R3HDM1: variants seen among roughly 807,000 people sequenced by gnomAD.
R3HDM1 encodes the protein R3H domain-containing protein 1.
A neutral mutation model predicts 141.1 loss-of-function variants in R3HDM1; 46 were observed. That is an observed-to-expected ratio of 0.33 (90% CI 0.26 to 0.42). The LOEUF (loss-of-function observed/expected upper bound fraction) is 0.42. Among genes scored for constraint, R3HDM1 ranks in the 10% least tolerant of loss-of-function variants. R3HDM1 has a pLI of 1.00. For missense variants in R3HDM1, 1,184 were observed against 1,368.3 expected, an observed-to-expected ratio of 0.87 and a Z score of 2.12; for synonymous variants, 435 against 472.9, an observed-to-expected ratio of 0.92 and a Z score of 1.04.
At chr2:135,701,236 A>C (rs2074155991) in intron 21 of R3HDM1, among the ~76,000 whole-genome samples, 1 of 151,242 alleles carries the variant, frequency 6.6e-6, no homozygotes. Context: ...AAAAAAAAAA[A>C]AAAAAAAACT....
intron 1 of R3HDM1, among the ~76,000 whole-genome samples, chr2:135,538,165 A>G (rs1657059947): frequency 6.6e-6 from 1 of 152,232 alleles, no homozygotes; most frequent in South Asian, 2.1e-4. Context: ...ACAAACCTAT[A>G]CAGTATGCTA....
intron 19 of R3HDM1, chr2:135,669,625 A>AATCAGACAGCT (rs1225616040): frequency 2.1e-6 from 2 of 952,198 alleles, no homozygotes; most frequent in African/African-American, 3.5e-5. Context: ...TAAATTTTAG[A>AATCAGACAGCT]ATCAGACAGC....
At position 135,565,322 on chromosome 2, in the gene R3HDM1, AATTATTATTATT is replaced by A. The variant is rs72174180; in HGVS notation, c.-250+33720_-250+33731del. Among the ~76,000 whole-genome samples, 128 of 143,156 alleles carry A rather than the reference AATTATTATTATT, an allele frequency of 8.9e-4. 1 individual carries two copies. The East Asian group carries it at 0.011, about 12-fold the overall frequency. The allele number at this position is 143,156 out of a possible 152,430, so 93.9% of individuals were successfully genotyped here. On this transcript the variant is annotated intron_variant, in intron 1 of 26. Coordinates refer to ENST00000683871, the MANE Select transcript of R3HDM1 (RefSeq NM_001378107.1). ...TCTTCTGTCCTTGCCAATGAAAAAA[AATTATTATTATT>A]ATTATTATTATTATTATTATTATTA... is the stretch of plus-strand genomic sequence containing the variant.
At position 135,724,309 on chromosome 2, in the gene R3HDM1, C is replaced by T. The variant is rs182869080; in HGVS notation, c.*17C>T. 1.3e-4 allele frequency: 197 copies of T among 1,554,770 alleles called. 3 individuals carry two copies. The South Asian group carries it at 1.3e-3, about 10-fold the overall frequency. On this transcript the variant is annotated 3_prime_UTR_variant, in exon 27 of 27. Coordinates refer to ENST00000683871, the MANE Select transcript of R3HDM1 (RefSeq NM_001378107.1). ...TCTCAGTAACAGCCACCTTTGGACC[C>T]TTCGCCTTTATGGTTCCCCTGCCCT...
chr2:135,613,471 C>T (rs1052473725), intron 3 of R3HDM1, among the ~76,000 whole-genome samples: 1 of 152,144 alleles, frequency 6.6e-6, no homozygotes. Flanking sequence ...TCAGACTCAC[C>T]TGAATCTTAA....
chr2:135,540,851 TTAAAAA>T (rs1186753705), intron 1 of R3HDM1, among the ~76,000 whole-genome samples: 2 of 152,214 alleles, frequency 1.3e-5, no homozygotes, highest in Non-Finnish European at 2.9e-5. Context: ...AATATGAGAC[TTAAAAA>T]TAGAAATTAA....
intron 1 of R3HDM1, among the ~76,000 whole-genome samples, chr2:135,570,467 A>G (rs72844180): frequency 1.1e-3 from 169 of 152,358 alleles, no homozygotes; most frequent in Non-Finnish European, 2.0e-3. Context: ...CAGCCTCTCA[A>G]GAATCTATTT....
intron 6 of R3HDM1, 89 bp downstream of exon 6, chr2:135,621,697 C>A (rs2061525598): frequency 7.3e-7 from 1 of 1,370,806 alleles, no homozygotes; most frequent in Non-Finnish European, 9.5e-7. Flanking sequence ...TATAGTATAT[C>A]TTTATGTAAA....
At chr2:135,706,021 C>T (rs1196300555) in intron 21 of R3HDM1, among the ~76,000 whole-genome samples, 2 of 151,518 alleles carry the variant, frequency 1.3e-5, no homozygotes, top group African/African-American at 2.4e-5. Context: ...CCCAGCTACT[C>T]GAGAGGCTGA....
At chr2:135,589,233 T>C (rs1166876973) in intron 1 of R3HDM1, among the ~76,000 whole-genome samples, 1 of 152,172 alleles carries the variant, frequency 6.6e-6, no homozygotes, top group Non-Finnish European at 1.5e-5. Context: ...AGTAACAAGT[T>C]ATATATATAA....
intron 7 of R3HDM1, chr2:135,622,941 G>T: frequency 3.1e-6 from 3 of 981,766 alleles, no homozygotes; most frequent in Non-Finnish European, 3.6e-6. Flanking sequence ...TCACCATGAT[G>T]TATGAATTTT....
intron 1 of R3HDM1, among the ~76,000 whole-genome samples, chr2:135,569,306 A>G (rs999579138): frequency 5.9e-5 from 9 of 152,060 alleles, no homozygotes; most frequent in Non-Finnish European, 1.2e-4. Context: ...AACATAGTGA[A>G]ACCCCATCTC....
intron 1 of R3HDM1, among the ~76,000 whole-genome samples, chr2:135,539,109 T>C (rs1194946502): frequency 1.3e-5 from 2 of 152,238 alleles, no homozygotes; most frequent in Non-Finnish European, 2.9e-5. Flanking sequence ...GTCATCTTGA[T>C]GTTAATGTCT....
chr2:135,650,061 C>A, intron 17 of R3HDM1, 58 bp downstream of exon 17: 2 of 1,138,402 alleles, frequency 1.8e-6, no homozygotes, highest in South Asian at 2.0e-5. Context: ...GTGATGAATG[C>A]TCAAGAGTGT....
At chr2:135,534,912 G>A (rs1409065547) in intron 1 of R3HDM1, among the ~76,000 whole-genome samples, 1 of 152,094 alleles carries the variant, frequency 6.6e-6, no homozygotes, top group African/African-American at 2.4e-5. Context: ...CAGAAATAAA[G>A]TAGTGAAAAT....
chr2:135,661,115 A>AT (rs547542815), intron 18 of R3HDM1, among the ~76,000 whole-genome samples, 155 bp from the exon 19 acceptor site: 2 of 151,860 alleles, frequency 1.3e-5, no homozygotes, highest in Non-Finnish European at 2.9e-5. Context: ...CTTTGTTTGA[A>AT]TTTTTTTTAA....
intron 1 of R3HDM1, among the ~76,000 whole-genome samples, chr2:135,541,663 C>T (rs912035063): frequency 1.3e-5 from 2 of 151,506 alleles, no homozygotes; most frequent in African/African-American, 4.9e-5. Flanking sequence ...ATTTGTGGTC[C>T]CCTAAAACAA....
intron 21 of R3HDM1, among the ~76,000 whole-genome samples, chr2:135,699,091 A>ATAGATAGATAGATAGAT (rs2073857279): frequency 2.0e-5 from 3 of 151,662 alleles, no homozygotes; most frequent in South Asian, 2.1e-4. Context: ...AGATAGATAG[A>ATAGATAGATAGATAGAT]TAGATAGATA....
At chr2:135,633,076 A>G (rs2062876508) in intron 9 of R3HDM1, among the ~76,000 whole-genome samples, 3 of 152,174 alleles carry the variant, frequency 2.0e-5, no homozygotes. Flanking sequence ...TTAAAAGTAA[A>G]TTAGTGAAAA....
Sources: gnomAD v4.1 joint callset for allele counts (sites outside exome capture counted in the v4.1 genomes callset) on GRCh38, gnomAD v4.1.1 for gene constraint, MANE v1.5 for transcripts, NCBI Gene and HGNC (gene_info 2026-07-23, HGNC 2026-07-21) for gene names.